GRIK2: variants seen among roughly 807,000 people sequenced by gnomAD.
GRIK2 encodes glutamate ionotropic receptor kainate type subunit 2.
A neutral mutation model predicts 100.3 loss-of-function variants in GRIK2; 32 were observed. The ratio of observed to expected loss-of-function variants is 0.32; its 90% CI spans 0.24 to 0.43. The LOEUF (loss-of-function observed/expected upper bound fraction) is 0.43, where lower values mean the gene tolerates loss of function less well. Among genes scored for constraint, GRIK2 ranks in the 20% least tolerant of loss-of-function variants. The pLI is 1.00. For synonymous variants in GRIK2, 417 were observed against 389.4 expected (o/e 1.07, Z -0.83); for missense variants, 843 against 1,114.9 (o/e 0.76, Z 3.47).
chr6:102,052,032 TAG>T (rs1771226117), intron 15 of GRIK2, among the ~76,000 whole-genome samples: 1 of 152,078 alleles, frequency 6.6e-6, no homozygotes, highest in African/African-American at 2.4e-5. Flanking sequence ...TTCACTTCAT[TAG>T]AGTTAAGTGC....
At chr6:101,765,018 T>G (rs996783008) in intron 7 of GRIK2, among the ~76,000 whole-genome samples, 3 of 152,112 alleles carry the variant, frequency 2.0e-5, no homozygotes, top group Admixed American at 1.3e-4. Context: ...GAGGAACATT[T>G]TTCAGCTTCT....
intron 2 of GRIK2, among the ~76,000 whole-genome samples, chr6:101,476,052 T>G (rs1772211604): frequency 6.6e-6 from 1 of 152,126 alleles, no homozygotes; most frequent in East Asian, 1.9e-4. Flanking sequence ...TTTCAAATTT[T>G]GTTTTGTTTT....
chr6:101,567,298 G>T (rs1255340443), intron 2 of GRIK2, among the ~76,000 whole-genome samples: 1 of 151,712 alleles, frequency 6.6e-6, no homozygotes, highest in Admixed American at 6.6e-5. Context: ...TTGTCATATT[G>T]TAGTACTTTC....
At chr6:101,693,846 T>C (rs1225673169) in intron 7 of GRIK2, among the ~76,000 whole-genome samples, 2 of 152,046 alleles carry the variant, frequency 1.3e-5, no homozygotes, top group Non-Finnish European at 2.9e-5. Context: ...ATATCATATG[T>C]ATATGTATAT....
chr6:101,833,677 T>TA (rs1782854219), intron 10 of GRIK2, among the ~76,000 whole-genome samples: 1 of 149,470 alleles, frequency 6.7e-6, no homozygotes, highest in Admixed American at 6.7e-5. Context: ...AAATTGTACT[T>TA]ATTATGATTA....
At chr6:101,829,768 C>G (rs565413110) in intron 10 of GRIK2, among the ~76,000 whole-genome samples, 6 of 151,970 alleles carry the variant, frequency 3.9e-5, no homozygotes, top group African/African-American at 1.4e-4. Flanking sequence ...AAAGATGACA[C>G]AAATAAATGG....
chr6:101,724,297 A>G (rs1041393818), intron 7 of GRIK2, among the ~76,000 whole-genome samples: 1 of 151,900 alleles, frequency 6.6e-6, no homozygotes, highest in Non-Finnish European at 1.5e-5. Context: ...TCACCCAGAT[A>G]GTAAACATAG....
chr6:101,631,113 GCTTTTAAACACGCTGAAAGT>G (rs773953312), intron 4 of GRIK2, among the ~76,000 whole-genome samples: 6 of 152,100 alleles, frequency 3.9e-5, no homozygotes, highest in Non-Finnish European at 7.4e-5. Context: ...ATGGATGAAT[GCTTTTAAACACGCTGAAAGT>G]CTGTTATAGC....
intron 12 of GRIK2, 95 bp from the exon 13 acceptor site, chr6:101,924,505 TA>T: frequency 4.2e-6 from 3 of 713,688 alleles, no homozygotes; most frequent in Non-Finnish European, 7.6e-6. Context: ...TACTTAAACT[TA>T]TCTGTCTTTT....
At chr6:101,972,262 T>C (rs1582644150) in intron 14 of GRIK2, among the ~76,000 whole-genome samples, 1 of 151,912 alleles carries the variant, frequency 6.6e-6, no homozygotes, top group Non-Finnish European at 1.5e-5. Flanking sequence ...CTCACCAGCA[T>C]CATTGTTTTT....
At chr6:101,724,242 T>C (rs1774701851) in intron 7 of GRIK2, among the ~76,000 whole-genome samples, 2 of 151,962 alleles carry the variant, frequency 1.3e-5, no homozygotes, top group South Asian at 4.1e-4. Flanking sequence ...GTTTGTTATA[T>C]GGGAATATTG....
chr6:101,682,862 A>G (rs1260068135), intron 6 of GRIK2, among the ~76,000 whole-genome samples: 1 of 152,168 alleles, frequency 6.6e-6, no homozygotes, highest in Admixed American at 6.5e-5. Flanking sequence ...AACTTTCAGA[A>G]TATAATGGAT....
At chr6:101,475,852 T>G (rs1177291520) in intron 2 of GRIK2, among the ~76,000 whole-genome samples, 1 of 151,976 alleles carries the variant, frequency 6.6e-6, no homozygotes, top group East Asian at 1.9e-4. Context: ...CATACAAAAA[T>G]TTTATAGGTT....
At chr6:101,709,211 C>CA (rs1773540973) in intron 7 of GRIK2, among the ~76,000 whole-genome samples, 1 of 151,670 alleles carries the variant, frequency 6.6e-6, no homozygotes, top group East Asian at 1.9e-4. Flanking sequence ...TAGTAGCTGG[C>CA]AAAACACCAG....
At chr6:101,962,639 A>G (rs1033971338) in intron 14 of GRIK2, among the ~76,000 whole-genome samples, 2 of 151,384 alleles carry the variant, frequency 1.3e-5, no homozygotes, top group African/African-American at 4.9e-5. Flanking sequence ...GAAGTCCTCA[A>G]CTCTTTTTGC....
intron 2 of GRIK2, among the ~76,000 whole-genome samples, chr6:101,537,308 G>A (rs1775748812): frequency 6.6e-6 from 1 of 151,730 alleles, no homozygotes. Context: ...TGCTTAATGA[G>A]TATTGGTTCC....
intron 7 of GRIK2, among the ~76,000 whole-genome samples, chr6:101,785,742 A>G (rs1779381885): frequency 6.6e-6 from 1 of 152,070 alleles, no homozygotes; most frequent in Admixed American, 6.6e-5. Flanking sequence ...TTTTAAGGTC[A>G]GGTATTGTGA....
rs770765417 is a variant in GRIK2 at position 101,622,109 on chromosome 6, C to T, written c.276C>T (p.Ser92=). 1.9e-6 allele frequency: 3 copies of T among 1,572,538 alleles called. No individual in the cohort carries two copies. In the Admixed American group the frequency reaches 5.2e-5, roughly 27 times the overall value. The part of the protein sequence containing the change: ...KINLYDSFEA[S]KKACDQLSLG... ...ACCTTTATGATAGTTTTGAAGCATC[C>T]AAGAAAGGTAATTGATAGATTTTTA... is the stretch of plus-strand genomic sequence containing the variant. Residue 92 remains serine (S), a synonymous_variant, in exon 3 of 17, where the codon TCC becomes TCT. Coordinates refer to ENST00000369134, the MANE Select transcript of GRIK2 (RefSeq NM_021956.5).
chr6:101,794,330 C>T lies in GRIK2; in HGVS notation c.952-5318C>T, dbSNP rs1452095040. Among the ~76,000 whole-genome samples, 6 of 152,172 alleles carry T rather than the reference C, an allele frequency of 3.9e-5. No individual in the cohort carries two copies. The East Asian group carries it at 1.2e-3, about 30-fold the overall frequency. ...TCACGCTGGGAGCTGTAGACCGGAG[C>T]TGTTCCTATTCGGTCATCTTGGCTT... On this transcript the variant is annotated intron_variant, in intron 7 of 16. Coordinates refer to ENST00000369134, the MANE Select transcript of GRIK2 (RefSeq NM_021956.5).
Sources: allele counts gnomAD v4.1 joint callset (sites outside exome capture counted in the v4.1 genomes callset), GRCh38; gene constraint gnomAD v4.1.1; transcripts MANE v1.5; gene names NCBI Gene and HGNC (gene_info 2026-07-23, HGNC 2026-07-21).